WDHD1: variants seen among roughly 807,000 people sequenced by gnomAD.
The protein encoded by WDHD1 is WD repeat and HMG-box DNA-binding protein 1.
A neutral mutation model predicts 135.4 loss-of-function variants in WDHD1; 111 were observed. That is an observed-to-expected ratio of 0.82 (90% CI 0.70 to 0.96). The LOEUF is 0.96. WDHD1 is among the 40% of genes least tolerant of loss of function. WDHD1 has a pLI of 0.00. For synonymous variants in WDHD1, 434 were observed against 439.0 expected (o/e 0.99, Z 0.14); for missense variants, 1,351 against 1,336.3 (o/e 1.01, Z -0.17).
At chr14:54,962,682 G>GA in intron 20 of WDHD1, 56 bp downstream of exon 20, 7 of 1,592,950 alleles carry the variant, frequency 4.4e-6, no homozygotes, top group Non-Finnish European at 6.0e-6. Context: ...AGCAAAATGG[G>GA]AAAAGCCACA....
chr14:54,944,567 C>T, intron 24 of WDHD1, 97 bp from the exon 25 acceptor site: 1 of 948,134 alleles, frequency 1.1e-6, no homozygotes, highest in South Asian at 2.1e-5. Flanking sequence ...TCTCTGACAT[C>T]TATTATATAA....
intron 18 of WDHD1, among the ~76,000 whole-genome samples, chr14:54,964,001 A>G (rs1354954803): frequency 6.6e-6 from 1 of 152,020 alleles, no homozygotes; most frequent in Non-Finnish European, 1.5e-5. Flanking sequence ...TTATCTACTC[A>G]GGAGCCTGAG....
chr14:55,007,524 T>C (rs951399862), intron 6 of WDHD1, 149 bp from the exon 7 acceptor site: 4 of 572,522 alleles, frequency 7.0e-6, no homozygotes, highest in Non-Finnish European at 1.2e-5. Context: ...ATACCTGATA[T>C]ACCTAAACTG....
At chr14:54,966,660 A>C (rs184118501) in intron 17 of WDHD1, 54 bp from the exon 18 acceptor site, 1 of 1,525,876 alleles carries the variant, frequency 6.6e-7, no homozygotes, top group Non-Finnish European at 8.8e-7. Context: ...ATATGAGGCA[A>C]GCGTTAAATA....
chr14:54,994,371 T>A (rs2041842829), intron 11 of WDHD1, among the ~76,000 whole-genome samples: 1 of 152,170 alleles, frequency 6.6e-6, no homozygotes, highest in South Asian at 2.1e-4. Flanking sequence ...AGCACTGCCA[T>A]ACAGACATAT....
chr14:55,005,035 T>C, intron 7 of WDHD1: 1 of 545,772 alleles, frequency 1.8e-6, no homozygotes, highest in South Asian at 1.4e-5. Flanking sequence ...TCCTCCTTGG[T>C]CACAGCCTTT....
chr14:54,944,587 G>C, intron 24 of WDHD1, 117 bp from the exon 25 acceptor site: 4 of 793,530 alleles, frequency 5.0e-6, no homozygotes, highest in Non-Finnish European at 7.2e-6. Context: ...AAGTAAGGAA[G>C]ACACAGTTAC....
chr14:54,994,247 G>T (rs1048295072), intron 11 of WDHD1, among the ~76,000 whole-genome samples: 5 of 152,054 alleles, frequency 3.3e-5, no homozygotes, highest in Admixed American at 6.6e-5. Context: ...TACTTCTTGA[G>T]TTAGCAGTGG....
At chr14:54,945,677 A>T (rs1414321964) in intron 24 of WDHD1, among the ~76,000 whole-genome samples, 1 of 152,134 alleles carries the variant, frequency 6.6e-6, no homozygotes, top group African/African-American at 2.4e-5. Context: ...AACAGCTGGG[A>T]CTACAGGTAC....
At chr14:54,970,682 T>C (rs529184592) in intron 16 of WDHD1, among the ~76,000 whole-genome samples, 6 of 150,042 alleles carry the variant, frequency 4.0e-5, no homozygotes, top group South Asian at 4.2e-4. Flanking sequence ...AAGCAATCTA[T>C]AGATTCAACA....
chr14:54,988,994 A>C, intron 13 of WDHD1, 34 bp downstream of exon 13: 1 of 1,577,676 alleles, frequency 6.3e-7, no homozygotes. Flanking sequence ...ACAGTTCAAC[A>C]GTGCCAAATT....
intron 16 of WDHD1, among the ~76,000 whole-genome samples, chr14:54,977,116 ACT>A (rs1413166047): frequency 2.0e-5 from 3 of 151,932 alleles, no homozygotes; most frequent in African/African-American, 7.3e-5. Flanking sequence ...ATAGATGTGT[ACT>A]CTCTACCAAA....
chr14:54,990,215 C>G (rs1259098968), intron 12 of WDHD1, among the ~76,000 whole-genome samples: 2 of 152,100 alleles, frequency 1.3e-5, no homozygotes, highest in African/African-American at 4.8e-5. Context: ...GGCCTATACT[C>G]TTCAAATTTA....
chr14:54,973,972 T>C (rs1487403857), intron 16 of WDHD1, among the ~76,000 whole-genome samples: 1 of 151,888 alleles, frequency 6.6e-6, no homozygotes, highest in African/African-American at 2.4e-5. Context: ...CTGTTAAATA[T>C]CCCCGTCATA....
intron 16 of WDHD1, among the ~76,000 whole-genome samples, chr14:54,976,784 CA>C (rs969370354): frequency 1.9e-4 from 28 of 147,148 alleles, no homozygotes; most frequent in Non-Finnish European, 2.6e-4. Context: ...AAGGGTGTAC[CA>C]AAAAAAAAGA....
chr14:55,016,000 C>T lies in WDHD1; in HGVS notation c.78-2404G>A, dbSNP rs202190362. Among the ~76,000 whole-genome samples the T allele has an allele frequency of 5.9e-5, 9 of 152,166 alleles. No individual in the cohort carries two copies. The South Asian group carries it at 1.0e-3, about 18-fold the overall frequency. On this transcript the variant is annotated intron_variant, in intron 2 of 25. Coordinates refer to ENST00000360586, the MANE Select transcript of WDHD1 (RefSeq NM_007086.4). Reference sequence around the variant, plus strand: ...AGGCATGAGCCACCACACCCAGCCCCGATGGGCTTCTTGGTGTATCAGCAG... The same window carrying T: ...AGGCATGAGCCACCACACCCAGCCCTGATGGGCTTCTTGGTGTATCAGCAG...
intron 2 of WDHD1, among the ~76,000 whole-genome samples, chr14:55,022,051 C>T (rs1344566020): frequency 5.3e-5 from 8 of 152,114 alleles, no homozygotes; most frequent in African/African-American, 1.9e-4. Context: ...GAATTCGAGA[C>T]ATTGTGTTTG....
chr14:54,966,337 A>G, intron 18 of WDHD1, 138 bp downstream of exon 18: 2 of 1,123,546 alleles, frequency 1.8e-6, no homozygotes, highest in Non-Finnish European at 2.3e-6. Flanking sequence ...TCCGTCGCAC[A>G]AAAAACAACA....
chr14:55,005,621 GT>G (rs922774540), intron 7 of WDHD1: 2 of 595,762 alleles, frequency 3.4e-6, no homozygotes, highest in Non-Finnish European at 6.4e-6. Context: ...ACCTAAGTGG[GT>G]TCCTCCTGCA....
Sources: gnomAD v4.1 joint callset for allele counts (sites outside exome capture counted in the v4.1 genomes callset) on GRCh38, gnomAD v4.1.1 for gene constraint, MANE v1.5 for transcripts, NCBI Gene and HGNC (gene_info 2026-07-23, HGNC 2026-07-21) for gene names.